Variants in SERGEF observed in about 807,000 individuals in gnomAD.
SERGEF encodes the protein secretion regulating guanine nucleotide exchange factor.
A neutral mutation model predicts 50.0 loss-of-function variants in SERGEF; 51 were observed. The observed-to-expected ratio is 1.02, with a 90% CI of 0.81 to 1.29. SERGEF has a LOEUF of 1.29. SERGEF is among the 50% of genes most tolerant of loss of function. SERGEF has a pLI of 0.00. For missense variants in SERGEF, 521 were observed against 557.0 expected (o/e 0.94, Z 0.65); for synonymous variants, 205 against 212.4 (o/e 0.97, Z 0.30).
chr11:17,904,062 T>G (rs989260896), intron 9 of SERGEF, among the ~76,000 whole-genome samples: 13 of 152,058 alleles, frequency 8.5e-5, no homozygotes, highest in African/African-American at 2.9e-4. Context: ...CAGGGGAGTA[T>G]ATGCAGGGAA....
At chr11:17,865,981 C>T (rs752976309) in intron 10 of SERGEF, among the ~76,000 whole-genome samples, 3 of 152,158 alleles carry the variant, frequency 2.0e-5, no homozygotes, top group Admixed American at 6.5e-5. Context: ...TAGTAAATGC[C>T]GTATACAGAT....
intron 9 of SERGEF, among the ~76,000 whole-genome samples, chr11:17,940,401 C>G (rs1002434300): frequency 1.3e-5 from 2 of 152,110 alleles, no homozygotes; most frequent in Non-Finnish European, 2.9e-5. Context: ...TGACCGCATC[C>G]CCCACCACCG....
Position 17,970,335 on chromosome 11 carries a change from C to T in SERGEF, c.845-10699G>A, listed in dbSNP as rs188760663. Among the ~76,000 whole-genome samples the T allele has an allele frequency of 1.7e-4, 26 of 152,268 alleles. No individual in the cohort carries two copies. In the East Asian group the frequency reaches 5.0e-3, roughly 29 times the overall value. On this transcript the variant is annotated intron_variant, in intron 8 of 10. Transcript: ENST00000265965. ...TGCAATTATTTTGGGGCATCATGAA[C>T]CATGCCCATGTAAGATGGCAAACTT...
At chr11:17,915,580 A>C (rs1315494813) in intron 9 of SERGEF, among the ~76,000 whole-genome samples, 2 of 152,166 alleles carry the variant, frequency 1.3e-5, no homozygotes, top group Admixed American at 1.3e-4. Context: ...TGACCCAAAA[A>C]ACAACTCAGA....
At chr11:17,832,184 T>C (rs1466254419) in intron 10 of SERGEF, among the ~76,000 whole-genome samples, 2 of 152,192 alleles carry the variant, frequency 1.3e-5, no homozygotes, top group Admixed American at 1.3e-4. Context: ...TTCCCATACG[T>C]TGTGGGAGGG....
rs547385770 is a variant in SERGEF at position 17,814,873 on chromosome 11, C to T, written c.1049-26460G>A. The stretch of plus-strand genomic sequence containing the variant: ...AATTTTGCTCATTCAAGCAGGATGA[C>T]CTGCTTTTACAAAACATAGTCTTCA... On this transcript the variant is annotated intron_variant, in intron 10 of 10. Transcript: ENST00000265965. Among the ~76,000 whole-genome samples, 501 of 152,276 alleles carry T rather than the reference C, an allele frequency of 3.3e-3. 1 individual carries two copies. Among genetic ancestry groups the T allele is most frequent in the Non-Finnish European group, 4.9e-3 (332 of 68,034 alleles).
At chr11:17,982,087 G>A (rs1853506737) in intron 8 of SERGEF, among the ~76,000 whole-genome samples, 2 of 152,156 alleles carry the variant, frequency 1.3e-5, no homozygotes, top group Non-Finnish European at 1.5e-5. Context: ...TTACAGACGT[G>A]AGCCACCATG....
intron 10 of SERGEF, among the ~76,000 whole-genome samples, chr11:17,877,086 G>C (rs1851249323): frequency 6.6e-6 from 1 of 152,242 alleles, no homozygotes; most frequent in Non-Finnish European, 1.5e-5. Flanking sequence ...ATTCAGAAAA[G>C]AATGTGTGAG....
In SERGEF at chr11:17,968,949, T is replaced by C. The variant is rs373449487; in HGVS notation, c.845-9313A>G. 1.4e-3 allele frequency among the ~76,000 whole-genome samples: 211 copies of C among 152,294 alleles called. 7 individuals are homozygous for C. In the South Asian group the frequency reaches 0.043, roughly 31 times the overall value. Reference sequence around the variant, plus strand: ...CTCTACAGCACATCACCTTTCCTAATGGAAGAACCTTAAACTTACAAGTCC... The same window carrying C: ...CTCTACAGCACATCACCTTTCCTAACGGAAGAACCTTAAACTTACAAGTCC... On this transcript the variant is annotated intron_variant, in intron 8 of 10. Transcript: ENST00000265965.
At chr11:17,967,168 G>A (rs1474266115) in intron 8 of SERGEF, among the ~76,000 whole-genome samples, 1 of 152,174 alleles carries the variant, frequency 6.6e-6, no homozygotes, top group African/African-American at 2.4e-5. Flanking sequence ...CGCATAGAGA[G>A]AGGTTATGTC....
chr11:17,793,846 G>A (rs1278839152), intron 10 of SERGEF, among the ~76,000 whole-genome samples: 1 of 152,196 alleles, frequency 6.6e-6, no homozygotes, highest in African/African-American at 2.4e-5. Context: ...AGGCTGTGAC[G>A]AGTGATGGAG....
intron 9 of SERGEF, among the ~76,000 whole-genome samples, chr11:17,949,659 T>C (rs973625089): frequency 3.3e-5 from 5 of 151,550 alleles, no homozygotes; most frequent in African/African-American, 1.2e-4. Flanking sequence ...AAAAGGGAGG[T>C]CAGGGCTCAT....
intron 9 of SERGEF, among the ~76,000 whole-genome samples, chr11:17,911,658 T>C (rs1851956241): frequency 6.6e-6 from 1 of 151,946 alleles, no homozygotes; most frequent in Non-Finnish European, 1.5e-5. Flanking sequence ...CAGCTAATTT[T>C]TGTATTTTTT....
intron 1 of SERGEF, among the ~76,000 whole-genome samples, chr11:18,009,283 G>A (rs1300201859): frequency 6.6e-6 from 1 of 152,028 alleles, no homozygotes; most frequent in Non-Finnish European, 1.5e-5. Flanking sequence ...CCATGATTTC[G>A]ATATGAGAAG....
chr11:17,992,984 T>A lies in SERGEF; in HGVS notation c.632A>T (p.Asn211Ile). The A allele has an allele frequency of 6.2e-7, 1 of 1,613,992 alleles. No individual in the cohort carries two copies. The change falls in exon 7 of 11, where the codon AAT becomes ATT. Residue 211 changes from asparagine to isoleucine, a missense_variant. By Grantham distance (149) the Asn-to-Ile change is moderately radical. Transcript: ENST00000265965. ...AGCAAGAACACACATTGCTTTAGAATTCTCTAGACCTACAAAAGAAAAAAT... is the reference window on the plus strand; with the variant it reads ...AGCAAGAACACACATTGCTTTAGAAATCTCTAGACCTACAAAAGAAAAAAT... Reference protein sequence around the residue: ...KEPSRVTGLENSKAMCVLAGS... With the variant: ...KEPSRVTGLEISKAMCVLAGS...
At chr11:17,886,950 G>C (rs912335975) in intron 9 of SERGEF, among the ~76,000 whole-genome samples, 1 of 152,182 alleles carries the variant, frequency 6.6e-6, no homozygotes, top group Non-Finnish European at 1.5e-5. Flanking sequence ...CACAGCCTGT[G>C]AAACGGCTTA....
chr11:17,931,825 CCTACTGAAT>C (rs1481745730), intron 9 of SERGEF, among the ~76,000 whole-genome samples: 1 of 152,162 alleles, frequency 6.6e-6, no homozygotes, highest in Non-Finnish European at 1.5e-5. Flanking sequence ...CCTTCCCAGA[CCTACTGAAT>C]CAGAAACTCT....
At chr11:17,873,712 C>T (rs1223524142) in intron 10 of SERGEF, among the ~76,000 whole-genome samples, 1 of 151,878 alleles carries the variant, frequency 6.6e-6, no homozygotes, top group Non-Finnish European at 1.5e-5. Flanking sequence ...CACTTTCCTG[C>T]CAATAACCAA....
chr11:17,912,354 A>C (rs541539106), intron 9 of SERGEF, among the ~76,000 whole-genome samples: 1 of 152,240 alleles, frequency 6.6e-6, no homozygotes, highest in South Asian at 2.1e-4. Flanking sequence ...CTTTAAAAAA[A>C]CACAGGGAAT....
Sources: allele counts gnomAD v4.1 joint callset (sites outside exome capture counted in the v4.1 genomes callset), GRCh38; gene constraint gnomAD v4.1.1; transcripts MANE v1.5; gene names NCBI Gene and HGNC (gene_info 2026-07-23, HGNC 2026-07-21).